TRERF1: variants seen among roughly 807,000 people sequenced by gnomAD.
TRERF1 encodes transcriptional-regulating factor 1.
Under a neutral mutation model 122.9 loss-of-function variants are expected in TRERF1, and 27 were observed. The observed-to-expected ratio is 0.22, with a 90% CI of 0.16 to 0.30. The LOEUF (loss-of-function observed/expected upper bound fraction) is 0.30, where lower values mean the gene tolerates loss of function less well. TRERF1 is among the 10% of genes least tolerant of loss of function. TRERF1 has a pLI of 1.00. For synonymous variants in TRERF1, 636 were observed against 641.7 expected, an observed-to-expected ratio of 0.99 and a Z score of 0.13; for missense variants, 1,248 against 1,560.3, an observed-to-expected ratio of 0.80 and a Z score of 3.37.
chr6:42,280,626 G>C (rs944542534), intron 4 of TRERF1, among the ~76,000 whole-genome samples: 2 of 152,124 alleles, frequency 1.3e-5, no homozygotes, highest in African/African-American at 4.8e-5. Context: ...ATGGTGCTAT[G>C]GGAGGCCAGC....
At chr6:42,338,697 AC>A (rs1446890697) in intron 3 of TRERF1, among the ~76,000 whole-genome samples, 1 of 151,980 alleles carries the variant, frequency 6.6e-6, no homozygotes, top group Non-Finnish European at 1.5e-5. Flanking sequence ...CTCTCCCTGC[AC>A]CCAGCCTGCC....
intron 2 of TRERF1, among the ~76,000 whole-genome samples, chr6:42,369,660 A>G (rs1773413521): frequency 6.6e-6 from 1 of 152,184 alleles, no homozygotes; most frequent in South Asian, 2.1e-4. Flanking sequence ...TTGTTTTGTC[A>G]AGCAAAGGTA....
chr6:42,375,792 G>A (rs963816162), intron 2 of TRERF1, among the ~76,000 whole-genome samples: 3 of 152,090 alleles, frequency 2.0e-5, no homozygotes, highest in Admixed American at 1.3e-4. Flanking sequence ...AGGTGCAGGA[G>A]GTGTAAAGAG....
rs571715205 is a variant in TRERF1 at position 42,321,535 on chromosome 6, C to T, written c.-370-20786G>A. Among the ~76,000 whole-genome samples, 4 of 152,296 alleles carry T rather than the reference C, an allele frequency of 2.6e-5. No individual in the cohort carries two copies. The East Asian group carries it at 7.7e-4, about 29-fold the overall frequency. On this transcript the variant is annotated intron_variant, in intron 3 of 17. Transcript: ENST00000372922. Reference sequence around the variant, plus strand: ...CTTGGCTCCAAAGAGAATAACACATCAAGCATCAGGGTCACACACTTAAAT... The same window carrying T: ...CTTGGCTCCAAAGAGAATAACACATTAAGCATCAGGGTCACACACTTAAAT...
At chr6:42,334,446 T>C (rs1024168445) in intron 3 of TRERF1, among the ~76,000 whole-genome samples, 4 of 152,202 alleles carry the variant, frequency 2.6e-5, no homozygotes, top group African/African-American at 9.7e-5. Flanking sequence ...ATGTCATTGA[T>C]CAAATCTCAT....
intron 2 of TRERF1, among the ~76,000 whole-genome samples, chr6:42,375,346 C>T (rs747240758): frequency 6.6e-6 from 1 of 152,210 alleles, no homozygotes; most frequent in Non-Finnish European, 1.5e-5. Flanking sequence ...GCTCCGGAGC[C>T]ACCCTTTGCT....
intron 3 of TRERF1, among the ~76,000 whole-genome samples, chr6:42,311,667 G>A (rs557571989): frequency 6.6e-6 from 1 of 150,730 alleles, no homozygotes; most frequent in East Asian, 2.0e-4. Flanking sequence ...TCGGGAGGCT[G>A]AGACAGGAGA....
intron 2 of TRERF1, among the ~76,000 whole-genome samples, chr6:42,419,691 G>C (rs1782480153): frequency 6.6e-6 from 1 of 152,092 alleles, no homozygotes; most frequent in Non-Finnish European, 1.5e-5. Flanking sequence ...TCCTATACTT[G>C]GGCCCACAGT....
At chr6:42,402,734 C>T (rs531817759) in intron 2 of TRERF1, among the ~76,000 whole-genome samples, 26 of 152,316 alleles carry the variant, frequency 1.7e-4, no homozygotes, top group African/African-American at 5.8e-4. Flanking sequence ...AGACACCATG[C>T]TAAGTGCCAG....
At chr6:42,369,012 C>T (rs928343423) in intron 2 of TRERF1, among the ~76,000 whole-genome samples, 1 of 152,116 alleles carries the variant, frequency 6.6e-6, no homozygotes, top group African/African-American at 2.4e-5. Context: ...GAAAAAAATT[C>T]CCAGGCTCCC....
At chr6:42,283,427 T>A (rs560143292) in intron 4 of TRERF1, among the ~76,000 whole-genome samples, 73 of 152,132 alleles carry the variant, frequency 4.8e-4, no homozygotes, top group African/African-American at 1.7e-3. Context: ...ATAAAGAAAA[T>A]CTGGAAGGAT....
chr6:42,426,027 C>A (rs530139293), intron 2 of TRERF1, among the ~76,000 whole-genome samples: 1 of 152,244 alleles, frequency 6.6e-6, no homozygotes, highest in East Asian at 1.9e-4. Flanking sequence ...GACATACATA[C>A]TTGACACTTC....
In TRERF1 at chr6:42,288,994, T is replaced by TGTGA. The variant is rs772469518; in HGVS notation, c.-259+11643_-259+11644insTCAC. Among the ~76,000 whole-genome samples the TGTGA allele has an allele frequency of 3.6e-3, 504 of 141,828 alleles. 6 individuals carry two copies. Among genetic ancestry groups the TGTGA allele is most frequent in the Non-Finnish European group, 4.7e-3 (307 of 64,852 alleles). 93.0% of individuals were successfully genotyped at this position (141,828 alleles called of 152,430 possible). On this transcript the variant is annotated intron_variant, in intron 4 of 17. Transcript: ENST00000372922. ...GTGTGTGTGTGTGTGTGTGTGTGTG[T>TGTGA]CAAAGCACATGTAACTGATCATATT...
chr6:42,350,745 C>T (rs1306028463), intron 3 of TRERF1, among the ~76,000 whole-genome samples: 6 of 152,212 alleles, frequency 3.9e-5, no homozygotes, highest in Non-Finnish European at 7.3e-5. Context: ...GTTAACTGGG[C>T]AGACTCAATG....
At chr6:42,295,935 G>C (rs1023828391) in intron 4 of TRERF1, among the ~76,000 whole-genome samples, 1 of 152,172 alleles carries the variant, frequency 6.6e-6, no homozygotes, top group African/African-American at 2.4e-5. Context: ...TATTACAAGA[G>C]GGCGTGAAAA....
intron 3 of TRERF1, among the ~76,000 whole-genome samples, chr6:42,308,917 A>G (rs1318257921): frequency 1.3e-5 from 2 of 151,740 alleles, no homozygotes; most frequent in Non-Finnish European, 2.9e-5. Flanking sequence ...AAACCTTCAC[A>G]TGCATCCCCG....
chr6:42,295,736 T>C (rs1561932408), intron 4 of TRERF1, among the ~76,000 whole-genome samples: 1 of 152,214 alleles, frequency 6.6e-6, no homozygotes, highest in Non-Finnish European at 1.5e-5. Flanking sequence ...CAAAGTCCTC[T>C]TGTGATGAAT....
At chr6:42,351,106 G>C (rs1183911862) in intron 3 of TRERF1, among the ~76,000 whole-genome samples, 1 of 152,066 alleles carries the variant, frequency 6.6e-6, no homozygotes, top group East Asian at 1.9e-4. Context: ...TATTTTCAAC[G>C]ATCAAATTGG....
intron 3 of TRERF1, among the ~76,000 whole-genome samples, chr6:42,354,656 T>G (rs1379743990): frequency 6.6e-6 from 1 of 152,232 alleles, no homozygotes; most frequent in Admixed American, 6.5e-5. Context: ...TATGATTTAT[T>G]AAATTATTTA....
Sources: gnomAD v4.1 joint callset for allele counts (sites outside exome capture counted in the v4.1 genomes callset) on GRCh38, gnomAD v4.1.1 for gene constraint, MANE v1.5 for transcripts, NCBI Gene and HGNC (gene_info 2026-07-23, HGNC 2026-07-21) for gene names.